Variants in CFAP299 observed in about 807,000 individuals in gnomAD.
The protein encoded by CFAP299 is cilia- and flagella-associated protein 299.
Under a neutral mutation model 27.0 loss-of-function variants are expected in CFAP299, and 21 were observed. The observed-to-expected ratio is 0.78, with a 90% confidence interval of 0.55 to 1.12. The LOEUF (loss-of-function observed/expected upper bound fraction) is 1.12, where lower values mean the gene tolerates loss of function less well. Among genes scored for constraint, CFAP299 ranks in the 50% most tolerant of loss-of-function variants. The probability of loss-of-function intolerance (pLI) is 0.00; values close to 1 mark genes in which losing one functional copy is unlikely to be tolerated. For missense variants in CFAP299, 310 were observed against 276.6 expected (o/e 1.12, Z -0.86); for synonymous variants, 104 against 98.1 (o/e 1.06, Z -0.36).
At chr4:80,588,465 A>G (rs1736559400) in intron 3 of CFAP299, among the ~76,000 whole-genome samples, 1 of 151,056 alleles carries the variant, frequency 6.6e-6, no homozygotes, top group South Asian at 2.1e-4. Flanking sequence ...TTATTTAGGT[A>G]TTTAATCAAT....
At chr4:80,500,215 C>A (rs1198453244) in intron 2 of CFAP299, among the ~76,000 whole-genome samples, 2 of 152,020 alleles carry the variant, frequency 1.3e-5, no homozygotes. Flanking sequence ...ATGCACTTGG[C>A]AACTGTAAGA....
chr4:80,825,442 CA>C (rs1160807808), intron 3 of CFAP299, among the ~76,000 whole-genome samples: 3 of 151,942 alleles, frequency 2.0e-5, no homozygotes, highest in Admixed American at 1.3e-4. Context: ...TCCTGAGACA[CA>C]TTGTAATCAA....
chr4:80,410,425 C>T (rs1024691007), intron 2 of CFAP299, among the ~76,000 whole-genome samples: 1 of 152,140 alleles, frequency 6.6e-6, no homozygotes, highest in Non-Finnish European at 1.5e-5. Context: ...GTGTTTTTCA[C>T]CCTGGTGGGA....
At chr4:80,557,016 A>G (rs1036511954) in intron 2 of CFAP299, among the ~76,000 whole-genome samples, 13 of 152,110 alleles carry the variant, frequency 8.5e-5, no homozygotes, top group African/African-American at 2.9e-4. Flanking sequence ...TTATAAACAA[A>G]TCTGTCTAAT....
At chr4:80,663,980 C>T (rs577644011) in intron 3 of CFAP299, among the ~76,000 whole-genome samples, 1 of 151,984 alleles carries the variant, frequency 6.6e-6, no homozygotes, top group Admixed American at 6.6e-5. Flanking sequence ...TTTGATAAGT[C>T]GTTTGTTTTG....
intron 2 of CFAP299, among the ~76,000 whole-genome samples, chr4:80,526,492 T>A (rs1298884551): frequency 6.6e-6 from 1 of 152,128 alleles, no homozygotes; most frequent in African/African-American, 2.4e-5. Flanking sequence ...TCTAAATAAG[T>A]CATCTTCGAT....
intron 4 of CFAP299, among the ~76,000 whole-genome samples, chr4:80,904,611 G>T (rs545695351): frequency 1.3e-5 from 2 of 151,626 alleles, no homozygotes; most frequent in South Asian, 4.2e-4. Flanking sequence ...ATTAGAGTTA[G>T]GCCCTAAAAA....
chr4:80,744,749 C>T (rs1349254077), intron 3 of CFAP299, among the ~76,000 whole-genome samples: 1 of 152,094 alleles, frequency 6.6e-6, no homozygotes, highest in Admixed American at 6.6e-5. Flanking sequence ...AATTTTTCCT[C>T]AGCTTGAGAA....
chr4:80,662,418 A>C (rs1298163960), intron 3 of CFAP299, among the ~76,000 whole-genome samples: 5 of 152,124 alleles, frequency 3.3e-5, no homozygotes, highest in Non-Finnish European at 2.9e-5. Flanking sequence ...CCCGAAAAAA[A>C]AAAAAAAGTG....
At chr4:80,614,394 G>C (rs980892095) in intron 3 of CFAP299, among the ~76,000 whole-genome samples, 1 of 152,144 alleles carries the variant, frequency 6.6e-6, no homozygotes, top group Non-Finnish European at 1.5e-5. Flanking sequence ...CCATACTAGT[G>C]GTGAGGCACT....
chr4:80,628,012 A>T (rs538206866), intron 3 of CFAP299, among the ~76,000 whole-genome samples: 11 of 152,244 alleles, frequency 7.2e-5, no homozygotes, highest in Admixed American at 7.2e-4. Context: ...ATAACAAAAA[A>T]TTCCTGAAAA....
At chr4:80,775,264 A>C (rs1432921118) in intron 3 of CFAP299, among the ~76,000 whole-genome samples, 3 of 151,964 alleles carry the variant, frequency 2.0e-5, no homozygotes, top group African/African-American at 4.8e-5. Context: ...GGTATGAAAG[A>C]AAACAAGAAA....
intron 4 of CFAP299, among the ~76,000 whole-genome samples, chr4:80,942,867 A>G (rs545170531): frequency 6.6e-6 from 1 of 152,344 alleles, no homozygotes; most frequent in African/African-American, 2.4e-5. Context: ...CTAACTGAAA[A>G]GTCAGTAATA....
chr4:80,857,029 C>G (rs1578187821), intron 3 of CFAP299, among the ~76,000 whole-genome samples: 1 of 151,976 alleles, frequency 6.6e-6, no homozygotes, highest in African/African-American at 2.4e-5. Context: ...ATTCTTCCTA[C>G]CCATGAGCAT....
intron 3 of CFAP299, among the ~76,000 whole-genome samples, chr4:80,674,075 T>G (rs1441978430): frequency 1.3e-5 from 2 of 152,212 alleles, no homozygotes; most frequent in Non-Finnish European, 2.9e-5. Flanking sequence ...TGATGTTAGC[T>G]GGTTATTTTG....
chr4:80,922,610 T>G (rs901379894), intron 4 of CFAP299, among the ~76,000 whole-genome samples: 6 of 151,958 alleles, frequency 3.9e-5, no homozygotes, highest in Non-Finnish European at 8.8e-5. Context: ...AACTAGATAT[T>G]TATTTTATCT....
intron 2 of CFAP299, among the ~76,000 whole-genome samples, chr4:80,400,848 C>A (rs1726114474): frequency 6.6e-6 from 1 of 152,198 alleles, no homozygotes; most frequent in South Asian, 2.1e-4. Flanking sequence ...ACTTCCTGGA[C>A]ACTTGTTGAA....
intron 3 of CFAP299, among the ~76,000 whole-genome samples, chr4:80,726,955 T>C (rs947847114): frequency 1.2e-4 from 19 of 152,090 alleles, no homozygotes; most frequent in African/African-American, 4.1e-4. Context: ...ACTAATTTAG[T>C]TCAGAAAAAA....
At chr4:80,783,647 A>T (rs1727062882) in intron 3 of CFAP299, among the ~76,000 whole-genome samples, 1 of 152,176 alleles carries the variant, frequency 6.6e-6, no homozygotes. Context: ...ATTGCAAAAG[A>T]CTTTTTCAAA....
Sources: allele counts gnomAD v4.1 joint callset (sites outside exome capture counted in the v4.1 genomes callset), GRCh38; gene constraint gnomAD v4.1.1; transcripts MANE v1.5; gene names NCBI Gene and HGNC (gene_info 2026-07-23, HGNC 2026-07-21).